The following CADPS2 variants were observed in gnomAD, a reference collection of about 807,000 sequenced individuals.
CADPS2 encodes calcium-dependent secretion activator 2.
In CADPS2, 93 loss-of-function variants were observed where a neutral mutation model predicts 172.5. That is an observed-to-expected ratio of 0.54 (90% CI 0.46 to 0.64). The LOEUF is 0.64. Among genes scored for constraint, CADPS2 ranks in the 30% least tolerant of loss-of-function variants. The pLI is 0.00. For missense variants in CADPS2, 1,420 were observed against 1,565.9 expected (o/e 0.91, Z 1.57); for synonymous variants, 546 against 555.2 (o/e 0.98, Z 0.23).
rs1221294754 is a variant in CADPS2 at position 122,471,373 on chromosome 7, ACCTGTTG to A, written c.2181_2186+1del. 4 of 1,605,904 alleles carry A rather than the reference ACCTGTTG, an allele frequency of 2.5e-6. No individual in the cohort carries two copies. The highest frequency in any genetic ancestry group is 3.4e-6 in the Non-Finnish European group (4 of 1,175,932). On this transcript the variant is annotated splice_donor_variant and coding_sequence_variant, in exon 14 of 30. Coordinates refer to ENST00000449022, the MANE Select transcript of CADPS2 (RefSeq NM_017954.11). LOFTEE classifies it high-confidence loss of function. Reference sequence around the variant, plus strand: ...TCACTTTGTATTTGCAAGTAAAAATACCTGTTGCCGTGCACATGAGAGGCACAGAATG... The same window carrying A: ...TCACTTTGTATTTGCAAGTAAAAATACCGTGCACATGAGAGGCACAGAATG...
At chr7:122,799,157 T>A (rs553843614) in intron 1 of CADPS2, among the ~76,000 whole-genome samples, 1 of 152,202 alleles carries the variant, frequency 6.6e-6, no homozygotes, top group Non-Finnish European at 1.5e-5. Flanking sequence ...TTCCTTTAAA[T>A]ACCAGCTCTC....
chr7:122,783,462 G>C (rs1320936862), intron 1 of CADPS2, among the ~76,000 whole-genome samples: 1 of 152,168 alleles, frequency 6.6e-6, no homozygotes, highest in Non-Finnish European at 1.5e-5. Flanking sequence ...AACTGTGGTA[G>C]CACTCCTCTC....
At chr7:122,332,647 T>C (rs1336781975) in intron 28 of CADPS2, among the ~76,000 whole-genome samples, 2 of 152,194 alleles carry the variant, frequency 1.3e-5, no homozygotes, top group Non-Finnish European at 2.9e-5. Context: ...CATTCCATAC[T>C]TCATCTTTTA....
intron 1 of CADPS2, among the ~76,000 whole-genome samples, chr7:122,781,489 T>C (rs1431081686): frequency 6.6e-6 from 1 of 152,186 alleles, no homozygotes; most frequent in East Asian, 1.9e-4. Context: ...CTTCACTGTA[T>C]TGTAATACAT....
At chr7:122,873,357 TTCCC>T (rs988290114) in intron 1 of CADPS2, among the ~76,000 whole-genome samples, 7 of 152,114 alleles carry the variant, frequency 4.6e-5, no homozygotes, top group African/African-American at 2.4e-5. Context: ...TGTGTGATGT[TTCCC>T]TCCCTGTGTC....
intron 9 of CADPS2, among the ~76,000 whole-genome samples, chr7:122,500,221 T>C (rs2059083919): frequency 6.6e-6 from 1 of 152,186 alleles, no homozygotes; most frequent in South Asian, 2.1e-4. Context: ...CCTTTACCAT[T>C]CTAACCTTGT....
In CADPS2 at chr7:122,796,843, G is replaced by A. The variant is rs1023409409; in HGVS notation, c.340-59775C>T. 7.2e-5 allele frequency among the ~76,000 whole-genome samples: 11 copies of A among 151,804 alleles called. No homozygotes were observed. The South Asian group carries it at 1.7e-3, about 23-fold the overall frequency. On this transcript the variant is annotated intron_variant, in intron 1 of 29. Coordinates refer to ENST00000449022, the MANE Select transcript of CADPS2 (RefSeq NM_017954.11). Reference sequence around the variant, plus strand: ...CATGGTGAAGACACCAAAAGCAATCGCAACAAAAACAAAAACTGATGAATG... The same window carrying A: ...CATGGTGAAGACACCAAAAGCAATCACAACAAAAACAAAAACTGATGAATG...
chr7:122,552,068 A>G (rs895563813), intron 8 of CADPS2, among the ~76,000 whole-genome samples: 14 of 152,170 alleles, frequency 9.2e-5, no homozygotes, highest in African/African-American at 2.9e-4. Flanking sequence ...AACAGAACAG[A>G]TGCTTAGGTT....
chr7:122,661,413 A>T (rs1454534796), intron 3 of CADPS2, among the ~76,000 whole-genome samples: 1 of 152,178 alleles, frequency 6.6e-6, no homozygotes, highest in East Asian at 1.9e-4. Flanking sequence ...TAAGTTAATA[A>T]CATAAACTCA....
At chr7:122,850,093 T>C (rs1412887650) in intron 1 of CADPS2, 5 of 1,363,396 alleles carry the variant, frequency 3.7e-6, no homozygotes, top group Admixed American at 3.0e-5. Flanking sequence ...GACCCAGCTG[T>C]GTTCACAGAC....
At chr7:122,367,983 C>G (rs1388856693) in intron 25 of CADPS2, 2 of 152,286 alleles carry the variant, frequency 1.3e-5, no homozygotes, top group Non-Finnish European at 2.9e-5. Flanking sequence ...TCATCTTTCT[C>G]TCTGACTCTT....
chr7:122,877,671 C>G (rs1442027520), intron 1 of CADPS2, among the ~76,000 whole-genome samples: 1 of 151,780 alleles, frequency 6.6e-6, no homozygotes. Flanking sequence ...TATGATGAAA[C>G]CTTCAAAAAG....
intron 8 of CADPS2, among the ~76,000 whole-genome samples, chr7:122,522,193 A>C (rs6972775): frequency 0.022 from 3,412 of 152,094 alleles, 147 homozygotes; most frequent in African/African-American, 0.078. Flanking sequence ...TGGCTCACTG[A>C]AAACTCCACT....
At chr7:122,679,264 C>CTG (rs1554715342) in intron 2 of CADPS2, among the ~76,000 whole-genome samples, 6,132 of 14,726 alleles carry the variant, frequency 0.42, 1,722 homozygotes, top group Non-Finnish European at 0.62. Flanking sequence ...GAATGCATTC[C>CTG]TGGGGGGGGG....
intron 20 of CADPS2, among the ~76,000 whole-genome samples, chr7:122,404,407 G>A (rs2046369700): frequency 6.6e-6 from 1 of 152,146 alleles, no homozygotes; most frequent in South Asian, 2.1e-4. Flanking sequence ...GGACATTTGG[G>A]TTGGTTCCAA....
chr7:122,543,634 T>C (rs1350914265), intron 8 of CADPS2, among the ~76,000 whole-genome samples: 1 of 152,088 alleles, frequency 6.6e-6, no homozygotes, highest in Non-Finnish European at 1.5e-5. Flanking sequence ...AATTTTATAG[T>C]AGGGAGTATT....
intron 25 of CADPS2, among the ~76,000 whole-genome samples, chr7:122,366,610 T>TACACAC (rs200926726): frequency 3.9e-3 from 497 of 126,206 alleles, no homozygotes; most frequent in African/African-American, 0.011. Flanking sequence ...ATCTCAAAAA[T>TACACAC]ACACACACAC....
At chr7:122,848,359 G>A (rs1812604765) in intron 1 of CADPS2, among the ~76,000 whole-genome samples, 1 of 152,136 alleles carries the variant, frequency 6.6e-6, no homozygotes, top group African/African-American at 2.4e-5. Context: ...AAAGATTCAA[G>A]AGGAAATAGG....
At chr7:122,538,754 C>T (rs953469501) in intron 8 of CADPS2, among the ~76,000 whole-genome samples, 2 of 152,012 alleles carry the variant, frequency 1.3e-5, no homozygotes, top group Non-Finnish European at 2.9e-5. Flanking sequence ...CTGTATGCCT[C>T]ATTCCTGATT....
Sources: allele counts gnomAD v4.1 joint callset (sites outside exome capture counted in the v4.1 genomes callset), GRCh38; gene constraint gnomAD v4.1.1; transcripts MANE v1.5; gene names NCBI Gene and HGNC (gene_info 2026-07-23, HGNC 2026-07-21).